BBS9: variants seen among roughly 807,000 people sequenced by gnomAD.
BBS9 encodes Bardet-Biedl syndrome 9, also known as protein PTHB1.
BBS9 carries 89 observed loss-of-function variants against 117.7 expected under a neutral mutation model. The ratio of observed to expected loss-of-function variants is 0.76; its 90% CI spans 0.64 to 0.90. The LOEUF (loss-of-function observed/expected upper bound fraction) is 0.90. Ranked by LOEUF, BBS9 falls within the 40% of genes least tolerant of loss-of-function variation. The pLI, the probability that BBS9 is intolerant of heterozygous loss-of-function variation, is 0.00. For synonymous variants in BBS9, 379 were observed against 370.9 expected (o/e 1.02, Z -0.25); for missense variants, 982 against 1,042.2 (o/e 0.94, Z 0.80).
intron 9 of BBS9, among the ~76,000 whole-genome samples, chr7:33,331,128 C>T (rs12701295): frequency 0.81 from 122,530 of 152,094 alleles, 49,640 homozygotes; most frequent in African/African-American, 0.86. Context: ...TATAAGTCAA[C>T]AAATGTGATA....
intron 9 of BBS9, among the ~76,000 whole-genome samples, chr7:33,306,990 CTG>C (rs1376098095): frequency 2.0e-5 from 3 of 152,072 alleles, no homozygotes; most frequent in Non-Finnish European, 2.9e-5. Context: ...TACGCGGTAT[CTG>C]TGAGGAATCT....
chr7:33,589,027 G>C lies in BBS9; in HGVS notation c.2522-15838G>C, dbSNP rs576933431. Among the ~76,000 whole-genome samples, 13 of 152,222 alleles carry C rather than the reference G, an allele frequency of 8.5e-5. No individual in the cohort carries two copies. The East Asian group carries it at 2.3e-3, about 27-fold the overall frequency. On this transcript the variant is annotated intron_variant, in intron 21 of 22. Coordinates refer to ENST00000242067, the MANE Select transcript of BBS9 (RefSeq NM_198428.3). ...ATGACATGACTTTACCTTTTAAAAC[G>C]ATCACGGGTTACTCTTTTGAGAATA...
chr7:33,461,778 G>T (rs948379309), intron 19 of BBS9, among the ~76,000 whole-genome samples: 12 of 152,024 alleles, frequency 7.9e-5, no homozygotes, highest in Admixed American at 2.6e-4. Context: ...CTATGAAATA[G>T]AATTAATTTT....
At chr7:33,390,490 A>G (rs1457350106) in intron 19 of BBS9, 10 of 976,616 alleles carry the variant, frequency 1.0e-5, no homozygotes, top group Non-Finnish European at 1.2e-5. Flanking sequence ...AAGAATGAAT[A>G]AACATTTGAA....
intron 20 of BBS9, among the ~76,000 whole-genome samples, chr7:33,510,243 G>A (rs1397767272): frequency 5.3e-5 from 8 of 151,958 alleles, no homozygotes; most frequent in East Asian, 3.9e-4. Context: ...TCAGGTTAGG[G>A]GCTGGAGATA....
chr7:33,489,331 CTT>C (rs35199510), intron 19 of BBS9, among the ~76,000 whole-genome samples: 17 of 86,248 alleles, frequency 2.0e-4, no homozygotes, highest in Non-Finnish European at 1.6e-4. Flanking sequence ...CCACTTATGG[CTT>C]TTTTTTTTTT....
intron 21 of BBS9, among the ~76,000 whole-genome samples, chr7:33,568,721 G>A (rs1363812435): frequency 6.6e-6 from 1 of 152,126 alleles, no homozygotes; most frequent in Non-Finnish European, 1.5e-5. Flanking sequence ...ATGTTGAACA[G>A]TATATACTGC....
chr7:33,385,559 A>G (rs1406247527), intron 18 of BBS9, among the ~76,000 whole-genome samples: 1 of 152,228 alleles, frequency 6.6e-6, no homozygotes, highest in Non-Finnish European at 1.5e-5. Flanking sequence ...AAACATTTCA[A>G]TCACTGCTGC....
In BBS9 at chr7:33,388,134, C is replaced by A. The variant is rs149362446; in HGVS notation, c.2105C>A (p.Thr702Asn). The change falls in exon 19 of 23, where the codon ACC (threonine) becomes AAC (asparagine). Residue 702 changes from threonine (T) to asparagine (N), a missense_variant. Thr to Asn is a moderately conservative substitution (Grantham distance 65, BLOSUM62 0). Coordinates refer to ENST00000242067, the MANE Select transcript of BBS9 (RefSeq NM_198428.3). ...LQHLDTLLDG[T>N]YKQVIALADA... The stretch of plus-strand genomic sequence containing the variant: ...CACCTGGACACCTTGTTAGATGGAA[C>A]CTACAAGCAGGTCAGTATAATATCA... 198 of 1,614,102 alleles carry A rather than the reference C, an allele frequency of 1.2e-4. 1 individual carries two copies. In the African/African-American group the frequency reaches 2.4e-3, roughly 19 times the overall value.
intron 19 of BBS9, among the ~76,000 whole-genome samples, chr7:33,473,513 G>A (rs1168067336): frequency 1.3e-5 from 2 of 152,216 alleles, no homozygotes; most frequent in African/African-American, 2.4e-5. Context: ...TAGTAGAGAC[G>A]GAGTTTCACC....
At position 33,273,078 on chromosome 7, in the gene BBS9, G is replaced by T. The variant is rs1243574132; in HGVS notation, c.769G>T (p.Ala257Ser). The T allele has an allele frequency of 6.2e-7, 1 of 1,613,514 alleles. No individual in the cohort carries two copies. The highest frequency in any genetic ancestry group is 1.3e-5 in the African/African-American group (1 of 74,858). Reference sequence around the variant, plus strand: ...ATGTATTGTCTCTTTCAATCAGTCGGCATCCTCTGTTTTTGTTCTTGGTGA... The same window carrying T: ...ATGTATTGTCTCTTTCAATCAGTCGTCATCCTCTGTTTTTGTTCTTGGTGA... ...DICIVSFNQS[A>S]SSVFVLGERN... The change falls in exon 8 of 23, where the codon GCA (alanine) becomes TCA (serine). Residue 257 changes from alanine to serine, a missense_variant. Coordinates refer to ENST00000242067, the MANE Select transcript of BBS9 (RefSeq NM_198428.3).
At chr7:33,205,147 CCTT>C (rs1786663754) in intron 5 of BBS9, among the ~76,000 whole-genome samples, 1 of 152,178 alleles carries the variant, frequency 6.6e-6, no homozygotes, top group African/African-American at 2.4e-5. Flanking sequence ...AGTACACTAA[CCTT>C]CTTCTCTGCT....
intron 21 of BBS9, among the ~76,000 whole-genome samples, chr7:33,554,890 A>G (rs988222221): frequency 2.0e-5 from 3 of 152,188 alleles, no homozygotes; most frequent in Non-Finnish European, 4.4e-5. Context: ...ATTGAAGAGA[A>G]GCAGCCAAGG....
Position 33,131,483 on chromosome 7 carries a change from C to T in BBS9, c.-12+1442C>T, listed in dbSNP as rs114398413. Among the ~76,000 whole-genome samples the T allele has an allele frequency of 4.2e-3, 640 of 152,310 alleles. 2 individuals carry two copies. Among genetic ancestry groups the T allele is most frequent in the African/African-American group, 0.015 (623 of 41,558 alleles). On this transcript the variant is annotated intron_variant, in intron 1 of 22. Coordinates refer to ENST00000242067, the MANE Select transcript of BBS9 (RefSeq NM_198428.3). ...TATTATTGCCTTCAAAAGCAGTATA[C>T]TTCTTTTGAACACTACATGCATTTG...
intron 16 of BBS9, among the ~76,000 whole-genome samples, chr7:33,359,882 ATG>A: frequency 6.6e-6 from 1 of 152,220 alleles, no homozygotes; most frequent in East Asian, 1.9e-4. Context: ...AATTTAGAAA[ATG>A]TGGATAACCA....
chr7:33,468,151 T>C (rs1170656124), intron 19 of BBS9, among the ~76,000 whole-genome samples: 6 of 151,988 alleles, frequency 3.9e-5, no homozygotes, highest in Admixed American at 1.3e-4. Context: ...AAGAGAGAGA[T>C]CGGGGGTAGA....
chr7:33,446,749 A>G (rs1837057894), intron 19 of BBS9, among the ~76,000 whole-genome samples: 1 of 152,230 alleles, frequency 6.6e-6, no homozygotes, highest in Admixed American at 6.5e-5. Context: ...TGGAGTGAGT[A>G]GTGAGCAATA....
intron 19 of BBS9, chr7:33,390,789 G>A (rs1264781668): frequency 4.0e-6 from 1 of 248,236 alleles, no homozygotes; most frequent in African/African-American, 2.3e-5. Context: ...TACTGTTTTT[G>A]TTTCTTTCCA....
chr7:33,424,350 A>G (rs1202173320), intron 19 of BBS9, among the ~76,000 whole-genome samples: 2 of 152,148 alleles, frequency 1.3e-5, no homozygotes, highest in African/African-American at 4.8e-5. Context: ...TACATTTGAC[A>G]CTTTAGTAGT....
Sources: gnomAD v4.1 joint callset for allele counts (sites outside exome capture counted in the v4.1 genomes callset) on GRCh38, gnomAD v4.1.1 for gene constraint, MANE v1.5 for transcripts, NCBI Gene and HGNC (gene_info 2026-07-23, HGNC 2026-07-21) for gene names.